LCLAT1: variants seen among roughly 807,000 people sequenced by gnomAD.
LCLAT1 encodes 1-AGP acyltransferase 8.
LCLAT1 carries 11 observed loss-of-function variants against 30.7 expected under a neutral mutation model. The ratio of observed to expected loss-of-function variants is 0.36; its 90% CI spans 0.23 to 0.59. The LOEUF (loss-of-function observed/expected upper bound fraction) is 0.59. Among genes scored for constraint, LCLAT1 ranks in the 20% least tolerant of loss-of-function variants. The probability of loss-of-function intolerance (pLI) is 0.77; values close to 1 mark genes in which losing one functional copy is unlikely to be tolerated. For synonymous variants in LCLAT1, 155 were observed against 151.3 expected (o/e 1.02, Z -0.18); for missense variants, 402 against 458.6 (o/e 0.88, Z 1.13).
At chr2:30,479,584 G>A (rs562322318) in intron 1 of LCLAT1, among the ~76,000 whole-genome samples, 124 of 152,226 alleles carry the variant, frequency 8.1e-4, no homozygotes, top group African/African-American at 2.9e-3. Flanking sequence ...ATAAAAGACA[G>A]GTAAGACTAC....
intron 5 of LCLAT1, among the ~76,000 whole-genome samples, chr2:30,570,456 T>G (rs1665731364): frequency 6.6e-6 from 1 of 152,240 alleles, no homozygotes; most frequent in Admixed American, 6.5e-5. Flanking sequence ...ATGCTGTGTG[T>G]TTTATGCCTA....
chr2:30,534,823 G>A lies in LCLAT1; in HGVS notation c.364+1509G>A, dbSNP rs374942128. Among the ~76,000 whole-genome samples, 180 of 152,200 alleles carry A rather than the reference G, an allele frequency of 1.2e-3. 1 individual carries two copies. The highest frequency in any genetic ancestry group is 4.3e-3 in the African/African-American group (178 of 41,526). The stretch of plus-strand genomic sequence containing the variant: ...CAAAGATTCTAGAGGAGGGAGCATA[G>A]CCCCACAGATTGAAGATGTGTCTAA... On this transcript the variant is annotated intron_variant, in intron 3 of 5. Transcript: ENST00000379509.
intron 1 of LCLAT1, among the ~76,000 whole-genome samples, chr2:30,488,893 C>T (rs1283700631): frequency 2.0e-5 from 3 of 152,222 alleles, no homozygotes; most frequent in Non-Finnish European, 4.4e-5. Context: ...AGTTACCTTG[C>T]CCATAAGGAC....
intron 1 of LCLAT1, among the ~76,000 whole-genome samples, chr2:30,503,166 G>A (rs1314323744): frequency 2.0e-5 from 3 of 152,178 alleles, no homozygotes; most frequent in Admixed American, 6.5e-5. Flanking sequence ...CTGTCGTGGC[G>A]CTGGTGGGAG....
At chr2:30,542,806 T>C (rs528993319) in intron 3 of LCLAT1, among the ~76,000 whole-genome samples, 3 of 152,166 alleles carry the variant, frequency 2.0e-5, no homozygotes, top group African/African-American at 7.2e-5. Flanking sequence ...GCTGCCAGTT[T>C]ATAGAAATGC....
chr2:30,482,752 C>T (rs1314213404), intron 1 of LCLAT1, among the ~76,000 whole-genome samples: 1 of 150,028 alleles, frequency 6.7e-6, no homozygotes, highest in Non-Finnish European at 1.5e-5. Flanking sequence ...GCAGCCTGGT[C>T]AACATTGTGA....
At chr2:30,483,582 A>G (rs1209063788) in intron 1 of LCLAT1, among the ~76,000 whole-genome samples, 2 of 152,136 alleles carry the variant, frequency 1.3e-5, no homozygotes, top group Non-Finnish European at 1.5e-5. Flanking sequence ...GGCATAGTGA[A>G]TGCTCAACAA....
At chr2:30,519,911 C>T (rs1572562255) in intron 1 of LCLAT1, among the ~76,000 whole-genome samples, 2 of 152,224 alleles carry the variant, frequency 1.3e-5, no homozygotes, top group African/African-American at 2.4e-5. Flanking sequence ...CCTTCTCAGA[C>T]TGGCCATTGA....
At chr2:30,575,607 ACT>A (rs1312592820) in intron 5 of LCLAT1, among the ~76,000 whole-genome samples, 1 of 151,562 alleles carries the variant, frequency 6.6e-6, no homozygotes, top group African/African-American at 2.4e-5. Context: ...ATCTTAAGAC[ACT>A]CTCTTCTTTT....
At chr2:30,581,683 C>T (rs1443648062) in intron 5 of LCLAT1, among the ~76,000 whole-genome samples, 1 of 152,138 alleles carries the variant, frequency 6.6e-6, no homozygotes, top group East Asian at 1.9e-4. Flanking sequence ...TGCATGGTCT[C>T]ACTTATATGT....
chr2:30,553,556 C>T (rs1664776258), intron 3 of LCLAT1, among the ~76,000 whole-genome samples: 1 of 152,208 alleles, frequency 6.6e-6, no homozygotes, highest in South Asian at 2.1e-4. Context: ...TGGCTCACGC[C>T]TGTAATCCCA....
chr2:30,524,317 T>C (rs1418275496), intron 1 of LCLAT1, among the ~76,000 whole-genome samples: 7 of 152,150 alleles, frequency 4.6e-5, no homozygotes, highest in Non-Finnish European at 1.0e-4. Flanking sequence ...AAAGAGTCAA[T>C]TAAAGACCAA....
intron 1 of LCLAT1, among the ~76,000 whole-genome samples, chr2:30,520,518 A>G (rs1318139581): frequency 6.6e-6 from 1 of 152,198 alleles, no homozygotes; most frequent in East Asian, 1.9e-4. Flanking sequence ...TTTGTTATTT[A>G]CTAGCTGTGT....
At chr2:30,532,258 T>C (rs1686016855) in intron 2 of LCLAT1, among the ~76,000 whole-genome samples, 1 of 152,210 alleles carries the variant, frequency 6.6e-6, no homozygotes, top group Non-Finnish European at 1.5e-5. Context: ...ACAGTTTGTC[T>C]ATTGGCTATA....
At chr2:30,536,473 G>A (rs1686248307) in intron 3 of LCLAT1, among the ~76,000 whole-genome samples, 1 of 152,182 alleles carries the variant, frequency 6.6e-6, no homozygotes, top group African/African-American at 2.4e-5. Context: ...AGGAGAGAAT[G>A]GGATGATATA....
chr2:30,487,746 A>C (rs1459051912), intron 1 of LCLAT1, among the ~76,000 whole-genome samples: 16 of 152,174 alleles, frequency 1.1e-4, no homozygotes, highest in Admixed American at 1.0e-3. Flanking sequence ...CAGTCAGCAG[A>C]GTCCTGTCTG....
chr2:30,574,348 G>A (rs1025808800), intron 5 of LCLAT1, among the ~76,000 whole-genome samples: 3 of 152,216 alleles, frequency 2.0e-5, no homozygotes, highest in Non-Finnish European at 4.4e-5. Flanking sequence ...AAGTATTATT[G>A]ACAGTGTTTA....
At chr2:30,601,866 G>T (rs1329163880) in intron 5 of LCLAT1, among the ~76,000 whole-genome samples, 6 of 136,356 alleles carry the variant, frequency 4.4e-5, no homozygotes, top group African/African-American at 7.8e-5. Flanking sequence ...GGATCCTATA[G>T]ATATCTATCT....
chr2:30,470,871 A>G (rs1285112364), intron 1 of LCLAT1, among the ~76,000 whole-genome samples: 1 of 146,746 alleles, frequency 6.8e-6, no homozygotes, highest in Non-Finnish European at 1.5e-5. Context: ...TGTTAATAGT[A>G]TTGTCTTTTA....
Sources: allele counts gnomAD v4.1 joint callset (sites outside exome capture counted in the v4.1 genomes callset), GRCh38; gene constraint gnomAD v4.1.1; transcripts MANE v1.5; gene names NCBI Gene and HGNC (gene_info 2026-07-23, HGNC 2026-07-21).